UNC13C: variants seen among roughly 807,000 people sequenced by gnomAD.
UNC13C encodes protein unc-13 homolog C.
In UNC13C, 174 loss-of-function variants were observed where a neutral mutation model predicts 245.4. That is an observed-to-expected ratio of 0.71 (90% CI 0.63 to 0.80). UNC13C has a LOEUF of 0.80. UNC13C is among the 30% of genes least tolerant of loss of function. UNC13C has a pLI of 0.00. For missense variants in UNC13C, 2,829 were observed against 2,602.9 expected, an observed-to-expected ratio of 1.09 and a Z score of -1.89; for synonymous variants, 992 against 895.1, an observed-to-expected ratio of 1.11 and a Z score of -1.93.
chr15:54,622,515 G>A (rs1239120626), intron 31 of UNC13C, 96 bp downstream of exon 31: 3 of 1,007,912 alleles, frequency 3.0e-6, no homozygotes, highest in Non-Finnish European at 4.5e-6. Flanking sequence ...TAAAAAAACT[G>A]CACAATTATT....
chr15:54,395,901 A>G (rs181355335), intron 18 of UNC13C, among the ~76,000 whole-genome samples: 35 of 151,870 alleles, frequency 2.3e-4, no homozygotes, highest in Middle Eastern at 3.4e-3. Context: ...TGTTCTGTCT[A>G]TTCCCATGTT....
chr15:54,521,256 C>T (rs1895204302), intron 24 of UNC13C, among the ~76,000 whole-genome samples: 1 of 152,204 alleles, frequency 6.6e-6, no homozygotes, highest in East Asian at 1.9e-4. Context: ...CAGGAAGTTA[C>T]CTTCCTTCCT....
At chr15:53,999,899 G>A (rs1349689378) in intron 1 of UNC13C, among the ~76,000 whole-genome samples, 1 of 151,876 alleles carries the variant, frequency 6.6e-6, no homozygotes, top group Non-Finnish European at 1.5e-5. Context: ...TTATGGTCAC[G>A]ATATATGCTC....
chr15:54,086,759 A>G lies in UNC13C; in HGVS notation c.2984-56259A>G, dbSNP rs377730629. Among the ~76,000 whole-genome samples, 4 of 21,064 alleles carry G rather than the reference A, an allele frequency of 1.9e-4. No individual in the cohort carries two copies. In the East Asian group the frequency reaches 4.4e-3, roughly 23 times the overall value. The allele number at this position is 21,064 out of a possible 152,430, so 13.8% of individuals were successfully genotyped here. ...TTTCTTTTTTTTTTTTTTTTTTGAG[A>G]TGGACTCTCACAGTCGCCCAGGCTG... On this transcript the variant is annotated intron_variant, in intron 2 of 32. Transcript: ENST00000260323.
chr15:53,891,586 T>G, the UNC13C span, among the ~76,000 whole-genome samples: 2 of 152,242 alleles, frequency 1.3e-5, no homozygotes, highest in Non-Finnish European at 2.9e-5. Context: ...GCTCTTCTTT[T>G]TGAATTGATC....
chr15:54,567,783 T>C lies in UNC13C; in HGVS notation c.5959-17T>C. On this transcript the variant is annotated splice_polypyrimidine_tract_variant and intron_variant, in intron 29 of 32. Coordinates refer to ENST00000260323, the MANE Select transcript of UNC13C (RefSeq NM_001080534.3). ...ACTTCTCTCTAAATGCCTCGGCTTATTTTTTTTTCTTTGTAGCAATACTTT... is the reference window on the plus strand; with the variant it reads ...ACTTCTCTCTAAATGCCTCGGCTTACTTTTTTTTCTTTGTAGCAATACTTT... The C allele has an allele frequency of 6.6e-7, 1 of 1,514,558 alleles. No homozygotes were observed. Among genetic ancestry groups the C allele is most frequent in the Non-Finnish European group, 8.9e-7 (1 of 1,123,780 alleles). The allele number at this position is 1,514,558 out of a possible 1,614,324, so 93.8% of individuals were successfully genotyped here.
At chr15:54,038,124 A>ATATATAAAAATTTTTTTTTTTTTTTTT in intron 2 of UNC13C, among the ~76,000 whole-genome samples, 6 of 45,034 alleles carry the variant, frequency 1.3e-4, no homozygotes, top group African/African-American at 6.3e-4. Flanking sequence ...ATATATATAT[A>ATATATAAAAATTTTTTTTTTTTTTTTT]TTTTTTTTTT....
intron 1 of UNC13C, among the ~76,000 whole-genome samples, chr15:53,989,228 C>T (rs1894275407): frequency 6.6e-6 from 1 of 151,840 alleles, no homozygotes; most frequent in Non-Finnish European, 1.5e-5. Context: ...CATCTAGACA[C>T]TGTATCTCAA....
intron 1 of UNC13C, among the ~76,000 whole-genome samples, chr15:53,993,341 G>A (rs1327581572): frequency 2.0e-5 from 3 of 152,068 alleles, no homozygotes; most frequent in Non-Finnish European, 2.9e-5. Context: ...ATTAGTCATT[G>A]GATGTATAAA....
At chr15:54,052,690 T>C (rs1897323024) in intron 2 of UNC13C, among the ~76,000 whole-genome samples, 1 of 152,260 alleles carries the variant, frequency 6.6e-6, no homozygotes, top group African/African-American at 2.4e-5. Flanking sequence ...TTCAACTCTT[T>C]ATGTGCTTAA....
intron 4 of UNC13C, among the ~76,000 whole-genome samples, chr15:54,204,811 G>A (rs570291025): frequency 2.4e-4 from 36 of 152,046 alleles, no homozygotes; most frequent in African/African-American, 8.7e-4. Flanking sequence ...GGGAAAAAGA[G>A]AATATTTGGG....
intron 25 of UNC13C, among the ~76,000 whole-genome samples, chr15:54,528,514 T>A (rs1245469872): frequency 6.6e-6 from 1 of 152,114 alleles, no homozygotes; most frequent in Non-Finnish European, 1.5e-5. Flanking sequence ...TTTAAACCTT[T>A]TCTTTTTCTA....
intron 19 of UNC13C, among the ~76,000 whole-genome samples, chr15:54,469,112 C>T (rs1235847875): frequency 6.6e-6 from 1 of 151,446 alleles, no homozygotes. Context: ...TTTCTTTTAT[C>T]AATGTTTTAG....
intron 17 of UNC13C, among the ~76,000 whole-genome samples, chr15:54,346,035 G>A (rs921540670): frequency 6.6e-6 from 1 of 151,940 alleles, no homozygotes; most frequent in African/African-American, 2.4e-5. Flanking sequence ...TTGGTGTTTC[G>A]GTTCTCTATT....
intron 2 of UNC13C, among the ~76,000 whole-genome samples, chr15:54,024,224 A>C (rs367958937): frequency 6.6e-6 from 1 of 152,308 alleles, no homozygotes. Flanking sequence ...TGGCTTCTAA[A>C]GCATTTAGGA....
rs199867646 is a variant in UNC13C at position 54,570,562 on chromosome 15, A to G, written c.6106+2615A>G. On this transcript the variant is annotated intron_variant, in intron 30 of 32. Coordinates refer to ENST00000260323, the MANE Select transcript of UNC13C (RefSeq NM_001080534.3). Reference sequence around the variant, plus strand: ...GGCAAGCTAAAAAGTCTTCTCAGTTAGTGAATCCAGGATTTCTGAGTAATA... The same window carrying G: ...GGCAAGCTAAAAAGTCTTCTCAGTTGGTGAATCCAGGATTTCTGAGTAATA... Among the ~76,000 whole-genome samples, 57 of 152,316 alleles carry G rather than the reference A, an allele frequency of 3.7e-4. No individual in the cohort carries two copies. In the East Asian group the frequency reaches 0.01, roughly 27 times the overall value.
At chr15:53,889,480 C>A in the UNC13C span, among the ~76,000 whole-genome samples, 2 of 152,150 alleles carry the variant, frequency 1.3e-5, no homozygotes, top group Admixed American at 1.3e-4. Context: ...TCTAAATATA[C>A]AATCATGTCA....
rs75576854 is a variant in UNC13C at position 54,429,298 on chromosome 15, G to A, written c.4933+14231G>A. On this transcript the variant is annotated intron_variant, in intron 19 of 32. Coordinates refer to ENST00000260323, the MANE Select transcript of UNC13C (RefSeq NM_001080534.3). ...TATTATACGAATGTTTTTAATTATT[G>A]TGATTGAAAGAGCAATACAGAAATT... Among the ~76,000 whole-genome samples, 1,175 of 151,740 alleles carry A rather than the reference G, an allele frequency of 7.7e-3. 17 individuals carry two copies. The highest frequency in any genetic ancestry group is 0.027 in the African/African-American group (1,133 of 41,450).
chr15:54,623,628 G>C (rs1401092930), intron 31 of UNC13C, among the ~76,000 whole-genome samples, 167 bp from the exon 32 acceptor site: 3 of 152,156 alleles, frequency 2.0e-5, no homozygotes, highest in Non-Finnish European at 4.4e-5. Context: ...GCTCCATCAG[G>C]TGTGCCTTCC....
Sources: allele counts gnomAD v4.1 joint callset (sites outside exome capture counted in the v4.1 genomes callset), GRCh38; gene constraint gnomAD v4.1.1; transcripts MANE v1.5; gene names NCBI Gene and HGNC (gene_info 2026-07-23, HGNC 2026-07-21).